Variants in ACSM2A observed in about 807,000 individuals in gnomAD.
ACSM2A encodes the protein acyl-coenzyme A synthetase ACSM2A, mitochondrial.
In ACSM2A, 72 loss-of-function variants were observed where a neutral mutation model predicts 76.6. The observed-to-expected ratio is 0.94, with a 90% CI of 0.78 to 1.14. The LOEUF is 1.14. Among genes scored for constraint, ACSM2A ranks in the 50% most tolerant of loss-of-function variants. The pLI, the probability that ACSM2A is intolerant of heterozygous loss-of-function variation, is 0.00. For missense variants in ACSM2A, 684 were observed against 708.5 expected, an observed-to-expected ratio of 0.97 and a Z score of 0.39; for synonymous variants, 249 against 255.9, an observed-to-expected ratio of 0.97 and a Z score of 0.26.
At position 20,486,574 on chromosome 16, in the gene ACSM2A, A is replaced by G; in HGVS notation, c.1630A>G (p.Ile544Val). The G allele has an allele frequency of 2.5e-6, 4 of 1,614,120 alleles. No individual in the cohort carries two copies. The highest frequency in any genetic ancestry group is 3.4e-6 in the Non-Finnish European group (4 of 1,179,982). The change falls in exon 14 of 14, where the codon ATA becomes GTA. Residue 544 changes from isoleucine (I) to valine (V), a missense_variant and splice_region_variant. By Grantham distance (29) the Ile-to-Val change is conservative (BLOSUM62 3). Coordinates refer to ENST00000573854, the MANE Select transcript of ACSM2A (RefSeq NM_001308172.2). ...CCTGGACTGATTTGTTTTTCAACAG[A>G]TAGAGTTTGTCTTGAACCTGCCCAA... Reference protein sequence around the residue: ...VTAPYKYPRKIEFVLNLPKTV... With the variant: ...VTAPYKYPRKVEFVLNLPKTV...
intron 8 of ACSM2A, chr16:20,476,365 G>T: frequency 1.0e-6 from 1 of 982,732 alleles, no homozygotes; most frequent in Non-Finnish European, 1.2e-6. Context: ...CCTTTTTCCA[G>T]TGCCTCTTAC....
At chr16:20,459,973 T>C (rs1339293617) in intron 1 of ACSM2A, 134 bp from the exon 2 acceptor site, 11 of 1,404,162 alleles carry the variant, frequency 7.8e-6, no homozygotes, top group Non-Finnish European at 1.0e-5. Context: ...TGAGTGCCAA[T>C]TTACTCATAA....
chr16:20,463,031 A>G (rs189879415), intron 2 of ACSM2A, among the ~76,000 whole-genome samples: 2,178 of 140,350 alleles, frequency 0.016, 48 homozygotes, highest in African/African-American at 0.054. Context: ...GAATTGAACA[A>G]TGAGAACACA....
intron 2 of ACSM2A, among the ~76,000 whole-genome samples, chr16:20,464,751 A>G (rs1458045627): frequency 6.6e-6 from 1 of 152,120 alleles, no homozygotes; most frequent in African/African-American, 2.4e-5. Flanking sequence ...ATAGAGTCGG[A>G]AAGTAGAATG....
intron 3 of ACSM2A, among the ~76,000 whole-genome samples, chr16:20,467,293 T>C (rs1357758034): frequency 6.6e-6 from 1 of 152,056 alleles, no homozygotes; most frequent in African/African-American, 2.4e-5. Context: ...GTAAGAGTTG[T>C]GGACATTTAT....
At chr16:20,451,919 G>T (rs75205834) in intron 1 of ACSM2A, among the ~76,000 whole-genome samples, 23,905 of 144,406 alleles carry the variant, frequency 0.17, 1,771 homozygotes, top group East Asian at 0.34. Flanking sequence ...GGTAACAGGG[G>T]GCTGGTAGTT....
At chr16:20,460,487 C>T (rs1050541733) in intron 2 of ACSM2A, among the ~76,000 whole-genome samples, 196 bp downstream of exon 2, 40 of 152,264 alleles carry the variant, frequency 2.6e-4, no homozygotes, top group Admixed American at 7.8e-4. Flanking sequence ...AAGAAAGGCA[C>T]AGGAATGTGG....
intron 2 of ACSM2A, among the ~76,000 whole-genome samples, chr16:20,461,050 C>T (rs1030659320): frequency 1.4e-5 from 2 of 141,730 alleles, no homozygotes; most frequent in Non-Finnish European, 3.0e-5. Flanking sequence ...TTAATCCATT[C>T]ACTGCTGATC....
Position 20,458,911 on chromosome 16 carries a change from T to TATATATAC in ACSM2A, c.-8-1189_-8-1188insCATATATA, listed in dbSNP as rs1555497727. 1.9e-4 allele frequency among the ~76,000 whole-genome samples: 11 copies of TATATATAC among 59,004 alleles called. No individual in the cohort carries two copies. In the East Asian group the frequency reaches 0.02, roughly 106 times the overall value. The allele number at this position is 59,004 out of a possible 152,430, so 38.7% of individuals were successfully genotyped here. A position where few individuals can be genotyped will look rare whatever the true frequency, so the allele number is the denominator to read the frequency against. ...TATATATTATATATATATGCATATA[T>TATATATAC]ATATATATATATATATATATACATA... On this transcript the variant is annotated intron_variant, in intron 1 of 13. Coordinates refer to ENST00000573854, the MANE Select transcript of ACSM2A (RefSeq NM_001308172.2).
At chr16:20,472,385 A>C (rs2013469619) in intron 6 of ACSM2A, among the ~76,000 whole-genome samples, 1 of 152,206 alleles carries the variant, frequency 6.6e-6, no homozygotes, top group Non-Finnish European at 1.5e-5. Flanking sequence ...TGAGAGAGAC[A>C]GTGCTGGTAT....
rs911295139 is a variant in ACSM2A at position 20,451,603 on chromosome 16, T to C, written c.-87T>C. 2.0e-5 allele frequency: 3 copies of C among 152,272 alleles called. No individual in the cohort carries two copies. Among genetic ancestry groups the C allele is most frequent in the African/African-American group, 7.3e-5 (3 of 41,340 alleles). The allele number at this position is 152,272 out of a possible 1,614,324, so 9.4% of individuals were successfully genotyped here. On this transcript the variant is annotated 5_prime_UTR_variant, in exon 1 of 14. Coordinates refer to ENST00000573854, the MANE Select transcript of ACSM2A (RefSeq NM_001308172.2). ...GTTACTGTGCTCTCTTCCAAGGCTG[T>C]AGGAGTTCTGGAGCTGCTGGCTGGA... is the stretch of plus-strand genomic sequence containing the variant.
intron 13 of ACSM2A, among the ~76,000 whole-genome samples, chr16:20,483,512 G>A (rs1188007589): frequency 1.5e-5 from 2 of 129,848 alleles, no homozygotes; most frequent in South Asian, 2.7e-4. Context: ...GGAGGTTACA[G>A]TGAGCCGAGA....
At chr16:20,458,903 T>C (rs1321666714) in intron 1 of ACSM2A, among the ~76,000 whole-genome samples, 1 of 68,482 alleles carries the variant, frequency 1.5e-5, no homozygotes, top group African/African-American at 7.7e-5. Flanking sequence ...TATATATATA[T>C]GCATATATAT....
intron 10 of ACSM2A, among the ~76,000 whole-genome samples, chr16:20,479,488 ATCT>A: frequency 1.3e-5 from 2 of 152,188 alleles, no homozygotes; most frequent in Admixed American, 6.5e-5. Flanking sequence ...GTATTGCATG[ATCT>A]TAGGGAAGTT....
intron 8 of ACSM2A, chr16:20,477,166 T>A: frequency 1.1e-6 from 1 of 907,852 alleles, no homozygotes; most frequent in Non-Finnish European, 1.5e-6. Flanking sequence ...GATGGGTTGC[T>A]TCCTGAACTA....
At chr16:20,477,274 G>C (rs1391907790) in intron 8 of ACSM2A, 95 bp from the exon 9 acceptor site, 2 of 1,512,350 alleles carry the variant, frequency 1.3e-6, no homozygotes, top group African/African-American at 2.8e-5. Flanking sequence ...CCAAGTTCAG[G>C]ACAGTGTCAG....
In ACSM2A at chr16:20,460,107, G is replaced by A. The variant is rs574192828; in HGVS notation, c.-8G>A. On this transcript the variant is annotated splice_region_variant and 5_prime_UTR_variant, in exon 2 of 14. Transcript: ENST00000573854. ...CCTGTGTCTCTTCTTTCTTTTACAG[G>A]CCTGAATATGCATTGGCTGCGAAAA... 8.7e-6 allele frequency: 14 copies of A among 1,608,200 alleles called. 1 individual carries two copies. The highest frequency in any genetic ancestry group is 2.7e-5 in the African/African-American group (2 of 74,724).
chr16:20,484,912 C>T (rs2014305365), intron 13 of ACSM2A, among the ~76,000 whole-genome samples: 2 of 152,102 alleles, frequency 1.3e-5, no homozygotes, highest in African/African-American at 4.8e-5. Flanking sequence ...ATCTCAGCTG[C>T]ATATCAGAGT....
chr16:20,486,149 T>A (rs1410357336), intron 13 of ACSM2A, among the ~76,000 whole-genome samples: 1 of 152,252 alleles, frequency 6.6e-6, no homozygotes, highest in Non-Finnish European at 1.5e-5. Flanking sequence ...TAACTTAGCC[T>A]TCATAATCTC....
Sources: allele counts gnomAD v4.1 joint callset (sites outside exome capture counted in the v4.1 genomes callset), GRCh38; gene constraint gnomAD v4.1.1; transcripts MANE v1.5; gene names NCBI Gene and HGNC (gene_info 2026-07-23, HGNC 2026-07-21).